Variants in XRRA1 observed in about 807,000 individuals in gnomAD.
XRRA1 encodes the protein X-ray radiation resistance associated 1, also known as X-ray radiation resistance-associated protein 1.
A neutral mutation model predicts 80.2 loss-of-function variants in XRRA1; 69 were observed. That is an observed-to-expected ratio of 0.86 (90% CI 0.71 to 1.05). The LOEUF (loss-of-function observed/expected upper bound fraction) is 1.05, where lower values mean the gene tolerates loss of function less well. XRRA1 is among the 50% of genes least tolerant of loss of function. The pLI is 0.00. For missense variants in XRRA1, 967 were observed against 976.4 expected (o/e 0.99, Z 0.13); for synonymous variants, 348 against 389.9 (o/e 0.89, Z 1.27).
intron 10 of XRRA1, among the ~76,000 whole-genome samples, chr11:74,874,233 C>CAAAAAAAAAAA (rs367875228): frequency 8.3e-5 from 4 of 48,290 alleles, no homozygotes; most frequent in Non-Finnish European, 1.5e-4. Context: ...GACTCCGTCT[C>CAAAAAAAAAAA]AAAAAAAAAA....
At chr11:74,939,955 T>C (rs938079509) in intron 3 of XRRA1, among the ~76,000 whole-genome samples, 2 of 151,364 alleles carry the variant, frequency 1.3e-5, no homozygotes, top group Non-Finnish European at 2.9e-5. Context: ...AGGTGTCTGA[T>C]AGGTAGGTGG....
At position 74,892,087 on chromosome 11, in the gene XRRA1, G is replaced by A. The variant is rs577842247; in HGVS notation, c.1003+14152C>T. ...TTCATATGGAACCAAAAAAGAGCCC[G>A]CATCGCCAAGTCAATCCTAAGCCAA... On this transcript the variant is annotated intron_variant, in intron 10 of 18. Transcript: ENST00000684022. 2.7e-3 allele frequency among the ~76,000 whole-genome samples: 417 copies of A among 152,132 alleles called. 2 individuals carry two copies. The highest frequency in any genetic ancestry group is 9.7e-3 in the African/African-American group (402 of 41,500).
chr11:74,850,967 G>A lies in XRRA1; in HGVS notation c.1380+121C>T. On this transcript the variant is annotated intron_variant, in intron 14 of 18. Transcript: ENST00000684022. ...AGCAAGGAAAGGAGAAGGCAATGCTGAACCTAATGGAGAGATTCCAGGCAC... is the reference window on the plus strand; with the variant it reads ...AGCAAGGAAAGGAGAAGGCAATGCTAAACCTAATGGAGAGATTCCAGGCAC... 6.6e-6 allele frequency: 4 copies of A among 610,002 alleles called. No homozygotes were observed. The Middle Eastern group carries it at 1.3e-3, about 202-fold the overall frequency. 37.8% of individuals were successfully genotyped at this position (610,002 alleles called of 1,614,324 possible). A position where few individuals can be genotyped will look rare whatever the true frequency, so the allele number is the denominator to read the frequency against.
intron 1 of XRRA1, among the ~76,000 whole-genome samples, chr11:74,947,624 A>G (rs1947854566): frequency 6.6e-6 from 1 of 152,240 alleles, no homozygotes; most frequent in South Asian, 2.1e-4. Context: ...GAGAAGTTGT[A>G]AAAGATAAAC....
intron 15 of XRRA1, among the ~76,000 whole-genome samples, chr11:74,847,160 A>G (rs888630650): frequency 6.6e-6 from 1 of 152,152 alleles, no homozygotes; most frequent in African/African-American, 2.4e-5. Context: ...CATTGCTCCA[A>G]AAAGGTTCTG....
At chr11:74,851,414 G>C (rs1396873997) in intron 13 of XRRA1, among the ~76,000 whole-genome samples, 2 of 152,150 alleles carry the variant, frequency 1.3e-5, no homozygotes, top group Non-Finnish European at 2.9e-5. Context: ...GGCACAGAGA[G>C]GCTAAGGAAT....
rs774980425 is a variant in XRRA1, at chr11:74,843,041, C to T, written c.*159G>A. 497 of 1,027,188 alleles carry T rather than the reference C, an allele frequency of 4.8e-4. 1 individual carries two copies. Among genetic ancestry groups the T allele is most frequent in the Non-Finnish European group, 5.4e-4 (395 of 728,206 alleles). 63.6% of individuals were successfully genotyped at this position (1,027,188 alleles called of 1,614,324 possible). On this transcript the variant is annotated 3_prime_UTR_variant, in exon 19 of 19. Coordinates refer to ENST00000684022, the MANE Select transcript of XRRA1 (RefSeq NM_001378157.1). ...ATGCCTGGGCCAAGGAGGGGAGATC[C>T]TGACAAGGGGATGCCACCTTGTGGC... is the stretch of plus-strand genomic sequence containing the variant.
intron 10 of XRRA1, among the ~76,000 whole-genome samples, chr11:74,895,298 C>T (rs893444521): frequency 5.3e-5 from 8 of 152,186 alleles, no homozygotes; most frequent in South Asian, 2.1e-4. Flanking sequence ...CATTGAACTC[C>T]GTGCTGCCCT....
chr11:74,849,134 C>A (rs922617767), intron 14 of XRRA1, among the ~76,000 whole-genome samples: 2 of 152,196 alleles, frequency 1.3e-5, no homozygotes, highest in Admixed American at 6.5e-5. Context: ...TTAGTCCTTT[C>A]TTTCTCCCCC....
intron 7 of XRRA1, among the ~76,000 whole-genome samples, chr11:74,925,457 T>C (rs900492539): frequency 1.2e-4 from 18 of 152,236 alleles, no homozygotes; most frequent in African/African-American, 4.1e-4. Context: ...CATCAAAATA[T>C]TACATTACTG....
chr11:74,859,599 T>C (rs770646094), intron 11 of XRRA1, among the ~76,000 whole-genome samples: 1 of 152,018 alleles, frequency 6.6e-6, no homozygotes, highest in Non-Finnish European at 1.5e-5. Context: ...ACCCCCTCCC[T>C]CTACCCTACA....
chr11:74,868,232 GA>G (rs1436384075), intron 10 of XRRA1, among the ~76,000 whole-genome samples: 1 of 152,118 alleles, frequency 6.6e-6, no homozygotes, highest in Non-Finnish European at 1.5e-5. Flanking sequence ...CATTCTTAAA[GA>G]AAAGAATTTC....
At chr11:74,938,362 T>C (rs1207423516) in intron 3 of XRRA1, among the ~76,000 whole-genome samples, 1 of 152,198 alleles carries the variant, frequency 6.6e-6, no homozygotes, top group African/African-American at 2.4e-5. Context: ...TTATCCTATC[T>C]TCATATCCCT....
At chr11:74,895,709 G>A (rs778055099) in intron 10 of XRRA1, among the ~76,000 whole-genome samples, 16 of 152,158 alleles carry the variant, frequency 1.1e-4, no homozygotes, top group African/African-American at 3.6e-4. Context: ...AGAAGATTTC[G>A]TCTTGTATCT....
intron 7 of XRRA1, among the ~76,000 whole-genome samples, chr11:74,925,281 G>A (rs938311665): frequency 3.3e-5 from 5 of 152,206 alleles, no homozygotes; most frequent in African/African-American, 1.2e-4. Context: ...CTTCAGATCT[G>A]TAATCCGAGA....
At chr11:74,882,304 GC>G (rs1565311844) in intron 10 of XRRA1, among the ~76,000 whole-genome samples, 2 of 151,016 alleles carry the variant, frequency 1.3e-5, no homozygotes, top group African/African-American at 4.9e-5. Flanking sequence ...GATTGCATCG[GC>G]TCCTGAGGCT....
At chr11:74,847,118 T>C (rs2038457350) in intron 15 of XRRA1, among the ~76,000 whole-genome samples, 1 of 152,206 alleles carries the variant, frequency 6.6e-6, no homozygotes, top group Non-Finnish European at 1.5e-5. Context: ...CTCTCTCAAA[T>C]TGTTTCTTTT....
At position 74,848,268 on chromosome 11, in the gene XRRA1, G is replaced by GC. The variant is rs1565219020; in HGVS notation, c.1574dup (p.Cys525TrpfsTer18). ...TGGGAGGCAGTGGCACGAAGGTCCG[G>GC]CAAGACGGGGAATGGCCTTCCAGGT... On this transcript the variant is annotated frameshift_variant, in exon 15 of 19. Coordinates refer to ENST00000684022, the MANE Select transcript of XRRA1 (RefSeq NM_001378157.1). LOFTEE classifies it high-confidence loss of function. The GC allele has an allele frequency of 6.2e-7, 1 of 1,613,850 alleles. No homozygotes were observed. Among genetic ancestry groups the GC allele is most frequent in the Non-Finnish European group, 8.5e-7 (1 of 1,179,830 alleles).
At chr11:74,938,205 G>C (rs1767514069) in intron 3 of XRRA1, among the ~76,000 whole-genome samples, 1 of 152,222 alleles carries the variant, frequency 6.6e-6, no homozygotes, top group African/African-American at 2.4e-5. Flanking sequence ...CTGGCTCACA[G>C]ACCACTGCTG....
Sources: allele counts gnomAD v4.1 joint callset (sites outside exome capture counted in the v4.1 genomes callset), GRCh38; gene constraint gnomAD v4.1.1; transcripts MANE v1.5; gene names NCBI Gene and HGNC (gene_info 2026-07-23, HGNC 2026-07-21).